KMT2C: variants seen among roughly 807,000 people sequenced by gnomAD.
KMT2C encodes the protein lysine methyltransferase 2C, also known as histone-lysine N-methyltransferase 2C.
A neutral mutation model predicts 507.9 loss-of-function variants in KMT2C; 88 were observed. The ratio of observed to expected loss-of-function variants is 0.17; its 90% CI spans 0.15 to 0.21. The LOEUF (loss-of-function observed/expected upper bound fraction) is 0.21. KMT2C is among the 10% of genes least tolerant of loss of function. The pLI is 1.00. For missense variants in KMT2C, 4,954 were observed against 5,957.8 expected, an observed-to-expected ratio of 0.83 and a Z score of 5.55; for synonymous variants, 2,049 against 2,080.8, an observed-to-expected ratio of 0.98 and a Z score of 0.42.
rs528213574 is a variant in KMT2C, at chr7:152,268,156, G to A, written c.1013-2947C>T. Among the ~76,000 whole-genome samples the A allele has an allele frequency of 6.4e-4, 97 of 152,264 alleles. 1 individual carries two copies. Among genetic ancestry groups the A allele is most frequent in the African/African-American group, 2.1e-3 (86 of 41,542 alleles). On this transcript the variant is annotated intron_variant, in intron 7 of 58. Transcript: ENST00000262189. ...TAGCAGGGTGTGGTGGCACATGCCT[G>A]TAGTCCCAGCTACTCAGGAGGCTGA...
chr7:152,145,852 A>T (rs2091050504), intron 53 of KMT2C, among the ~76,000 whole-genome samples: 1 of 152,200 alleles, frequency 6.6e-6, no homozygotes, highest in Non-Finnish European at 1.5e-5. Context: ...ACTCAAAGTC[A>T]TTTACATGTT....
chr7:152,202,882 T>C, intron 26 of KMT2C, 52 bp downstream of exon 26: 1 of 1,387,814 alleles, frequency 7.2e-7, no homozygotes, highest in Non-Finnish European at 1.0e-6. Context: ...CTCAATACAT[T>C]TTATTTCCTC....
chr7:152,193,474 G>A (rs1176702178), intron 31 of KMT2C, among the ~76,000 whole-genome samples: 1 of 152,130 alleles, frequency 6.6e-6, no homozygotes, highest in African/African-American at 2.4e-5. Context: ...TCTGTGGCAG[G>A]GCATATAAGC....
At chr7:152,416,589 G>C (rs1261012841) in intron 1 of KMT2C, among the ~76,000 whole-genome samples, 1 of 150,940 alleles carries the variant, frequency 6.6e-6, no homozygotes, top group Non-Finnish European at 1.5e-5. Flanking sequence ...AGCCAGGCAT[G>C]GTAGCGCGCC....
In KMT2C at chr7:152,409,514, G is replaced by A. The variant is rs537111876; in HGVS notation, c.161+26112C>T. On this transcript the variant is annotated intron_variant, in intron 1 of 58. Transcript: ENST00000262189. ...AGGTGCATCAGGAGGTCAGGAGATC[G>A]AGACCATCCTGGCTACCACACAGTG... Among the ~76,000 whole-genome samples, 11 of 149,756 alleles carry A rather than the reference G, an allele frequency of 7.3e-5. No individual in the cohort carries two copies. In the East Asian group the frequency reaches 1.4e-3, roughly 19 times the overall value.
At chr7:152,344,511 CA>C (rs1343482467) in intron 2 of KMT2C, among the ~76,000 whole-genome samples, 1 of 151,540 alleles carries the variant, frequency 6.6e-6, no homozygotes, top group Non-Finnish European at 1.5e-5. Context: ...TGGAGGTAAC[CA>C]AAACTGTGAA....
intron 1 of KMT2C, among the ~76,000 whole-genome samples, chr7:152,364,113 G>A (rs1359173771): frequency 1.3e-5 from 2 of 152,084 alleles, no homozygotes; most frequent in Non-Finnish European, 2.9e-5. Context: ...TATCCTGAGA[G>A]TGACTCTGTA....
At chr7:152,365,306 C>T (rs769054963) in intron 1 of KMT2C, among the ~76,000 whole-genome samples, 4 of 152,122 alleles carry the variant, frequency 2.6e-5, no homozygotes, top group South Asian at 4.1e-4. Flanking sequence ...AGGTCGAGTT[C>T]GAGACCAGCC....
rs186508737 is a variant in KMT2C at position 152,365,344 on chromosome 7, G to C, written c.162-6669C>G. ...GCCAAGATGGTGAAACCCTGTCTCT[G>C]CTAAAAATACAAAAATCAGCCAGGA... On this transcript the variant is annotated intron_variant, in intron 1 of 58. Transcript: ENST00000262189. 6.1e-3 allele frequency among the ~76,000 whole-genome samples: 927 copies of C among 152,108 alleles called. 12 individuals carry two copies. Among genetic ancestry groups the C allele is most frequent in the African/African-American group, 0.021 (873 of 41,498 alleles).
chr7:152,293,050 T>C (rs115747688), intron 6 of KMT2C, among the ~76,000 whole-genome samples: 102 of 152,300 alleles, frequency 6.7e-4, no homozygotes, highest in African/African-American at 2.2e-3. Flanking sequence ...GAAATAACAC[T>C]TATACTACCG....
chr7:152,207,657 G>T (rs2094345354), intron 23 of KMT2C, among the ~76,000 whole-genome samples: 1 of 152,116 alleles, frequency 6.6e-6, no homozygotes, highest in South Asian at 2.1e-4. Flanking sequence ...GGGGAACACA[G>T]AACTCAGAGT....
chr7:152,279,677 G>A (rs530988520), intron 6 of KMT2C, among the ~76,000 whole-genome samples: 2 of 152,184 alleles, frequency 1.3e-5, no homozygotes, highest in South Asian at 2.1e-4. Flanking sequence ...ACACATTTCT[G>A]ATTGAAACAT....
At chr7:152,380,798 GA>G in intron 1 of KMT2C, among the ~76,000 whole-genome samples, 1 of 152,176 alleles carries the variant, frequency 6.6e-6, no homozygotes, top group South Asian at 2.1e-4. Context: ...GATGAGAGTG[GA>G]AAAAGGAAGG....
intron 1 of KMT2C, among the ~76,000 whole-genome samples, chr7:152,415,158 G>A (rs2097721948): frequency 7.2e-5 from 11 of 152,116 alleles, no homozygotes; most frequent in Admixed American, 7.2e-4. Flanking sequence ...CTGGATGAAA[G>A]AGAGGACTTA....
intron 22 of KMT2C, among the ~76,000 whole-genome samples, chr7:152,221,243 C>A (rs548904066): frequency 6.6e-6 from 1 of 152,118 alleles, no homozygotes; most frequent in East Asian, 1.9e-4. Context: ...GGCGACAGGG[C>A]GAGACTCTGT....
At chr7:152,250,116 G>C (rs1247118504) in intron 12 of KMT2C, among the ~76,000 whole-genome samples, 163 bp from the exon 13 acceptor site, 4 of 152,208 alleles carry the variant, frequency 2.6e-5, no homozygotes, top group African/African-American at 9.6e-5. Context: ...GACAAAATTA[G>C]AAGTCTTTGC....
chr7:152,330,270 A>G (rs1245249397), intron 3 of KMT2C, among the ~76,000 whole-genome samples: 1 of 152,076 alleles, frequency 6.6e-6, no homozygotes, highest in Non-Finnish European at 1.5e-5. Flanking sequence ...TATCAACTTA[A>G]GTTTACAGGT....
At chr7:152,159,123 T>C (rs772554765) in intron 43 of KMT2C, 51 bp from the exon 44 acceptor site, 4 of 1,542,488 alleles carry the variant, frequency 2.6e-6, no homozygotes, top group Non-Finnish European at 3.6e-6. Flanking sequence ...GCATATTTGG[T>C]TTTTAGTTCA....
intron 23 of KMT2C, among the ~76,000 whole-genome samples, chr7:152,209,006 A>G (rs1176560199): frequency 6.6e-6 from 1 of 151,998 alleles, no homozygotes; most frequent in East Asian, 1.9e-4. Flanking sequence ...CTAAAAATAC[A>G]AAATTATCTG....
Sources: allele counts gnomAD v4.1 joint callset (sites outside exome capture counted in the v4.1 genomes callset), GRCh38; gene constraint gnomAD v4.1.1; transcripts MANE v1.5; gene names NCBI Gene and HGNC (gene_info 2026-07-23, HGNC 2026-07-21).